Variants in SLC35F6 observed in about 807,000 individuals in gnomAD.
SLC35F6 encodes the protein ANT2-binding protein.
A neutral mutation model predicts 29.4 loss-of-function variants in SLC35F6; 26 were observed. The ratio of observed to expected loss-of-function variants is 0.89; its 90% confidence interval spans 0.65 to 1.23. The LOEUF (loss-of-function observed/expected upper bound fraction) is 1.23. SLC35F6 is among the 50% of genes most tolerant of loss of function. SLC35F6 has a pLI of 0.00. For synonymous variants in SLC35F6, 174 were observed against 206.6 expected (o/e 0.84, Z 1.35); for missense variants, 428 against 487.8 (o/e 0.88, Z 1.15).
At chr2:26,776,652 G>A (rs1408397124) in intron 5 of SLC35F6, among the ~76,000 whole-genome samples, 170 bp downstream of exon 5, 4 of 152,196 alleles carry the variant, frequency 2.6e-5, no homozygotes, top group Non-Finnish European at 5.9e-5. Context: ...AGGAACTAGA[G>A]GAGACCAAGG....
chr2:26,766,390 G>C (rs1664097096), intron 1 of SLC35F6, among the ~76,000 whole-genome samples: 1 of 152,330 alleles, frequency 6.6e-6, no homozygotes, highest in South Asian at 2.1e-4. Flanking sequence ...TTGAGGTCAG[G>C]AGTTTGAAAC....
Position 26,764,880 on chromosome 2 carries a change from G to T in SLC35F6, c.77+454G>T, listed in dbSNP as rs185613028. On this transcript the variant is annotated intron_variant, in intron 1 of 5. Coordinates refer to ENST00000344420, the MANE Select transcript of SLC35F6 (RefSeq NM_017877.4). ...GCCCCACGGCCCCTCAAGGATGAGG[G>T]GTTAGAGCTGTGCTTTGAAGCTTAG... The T allele has an allele frequency of 5.9e-3, 5,783 of 985,390 alleles. 17 individuals carry two copies. Among genetic ancestry groups the T allele is most frequent in the Non-Finnish European group, 6.6e-3 (5,508 of 829,934 alleles). 61.0% of individuals were successfully genotyped at this position (985,390 alleles called of 1,614,324 possible).
chr2:26,778,124 T>C lies in SLC35F6; in HGVS notation c.729T>C (p.Arg243=). 1 of 1,614,186 alleles carries C rather than the reference T, an allele frequency of 6.2e-7. No homozygotes were observed. The highest frequency in any genetic ancestry group is 8.5e-7 in the Non-Finnish European group (1 of 1,180,030). Residue 243 remains arginine, a synonymous_variant, in exon 6 of 6, where the codon CGT becomes CGC. Transcript: ENST00000344420. Reference sequence around the variant, plus strand: ...CCGGCTCCTTCAGCGGAAACCCTCGTGGGACACTGGAGGATGCATTGGACG... The same window carrying C: ...CCGGCTCCTTCAGCGGAAACCCTCGCGGGACACTGGAGGATGCATTGGACG... ...IPAGSFSGNP[R]GTLEDALDAF... is the part of the protein sequence containing the mutation.
chr2:26,765,265 G>A (rs1664076709), intron 1 of SLC35F6, among the ~76,000 whole-genome samples: 1 of 152,234 alleles, frequency 6.6e-6, no homozygotes, highest in Non-Finnish European at 1.5e-5. Context: ...CTGCCTGGGA[G>A]AAGAAAAGTG....
intron 1 of SLC35F6, among the ~76,000 whole-genome samples, chr2:26,768,108 G>C (rs887101696): frequency 6.6e-6 from 1 of 152,176 alleles, no homozygotes; most frequent in Non-Finnish European, 1.5e-5. Context: ...GTTTGCCCTT[G>C]GCAGCTGCCC....
Position 26,778,379 on chromosome 2 carries a change from A to G in SLC35F6, c.984A>G (p.Ile328Met). ...TCCTTGGCTTCCTCATACTCCTTAT[A>G]GGCACTGCCCTCTACAATGGGCTAC... is the stretch of plus-strand genomic sequence containing the variant. ...LQILGFLILL[I>M]GTALYNGLHR... is the part of the protein sequence containing the mutation. The change falls in exon 6 of 6, where the codon ATA becomes ATG. Residue 328 changes from isoleucine to methionine, a missense_variant. Physicochemically the swap from Ile to Met is conservative, Grantham distance 10. Coordinates refer to ENST00000344420, the MANE Select transcript of SLC35F6 (RefSeq NM_017877.4). 1 of 1,614,066 alleles carries G rather than the reference A, an allele frequency of 6.2e-7. No individual in the cohort carries two copies. Among genetic ancestry groups the G allele is most frequent in the Non-Finnish European group, 8.5e-7 (1 of 1,179,992 alleles).
chr2:26,776,422 C>G lies in SLC35F6; in HGVS notation c.586C>G (p.Leu196Val). ...AQIIVAIQMV[L>V]EEKFVYKHNV... is the part of the protein sequence containing the mutation. The stretch of plus-strand genomic sequence containing the variant: ...GATCATCGTTGCCATCCAGATGGTG[C>G]TAGAGGAGAAGTTCGTCTACAAACA... Residue 196 changes from leucine to valine, a missense_variant, in exon 5 of 6, where the codon CTA becomes GTA. Physicochemically the swap from Leu to Val is conservative, Grantham distance 32. Transcript: ENST00000344420. 1.2e-6 allele frequency: 2 copies of G among 1,614,172 alleles called. No homozygotes were observed. Among genetic ancestry groups the G allele is most frequent in the Non-Finnish European group, 1.7e-6 (2 of 1,180,032 alleles).
intron 1 of SLC35F6, among the ~76,000 whole-genome samples, chr2:26,768,656 C>CTT (rs569353471): frequency 0.014 from 1,775 of 123,990 alleles, 56 homozygotes; most frequent in African/African-American, 0.052. Context: ...TGTGCCCAGC[C>CTT]TTTTTTTTTT....
intron 1 of SLC35F6, among the ~76,000 whole-genome samples, chr2:26,772,295 G>A (rs921603622): frequency 1.3e-5 from 2 of 152,166 alleles, no homozygotes; most frequent in South Asian, 2.1e-4. Flanking sequence ...GCTGAGGCTC[G>A]CTACAGAGAT....
intron 1 of SLC35F6, among the ~76,000 whole-genome samples, chr2:26,773,720 C>A (rs1226427471): frequency 6.6e-6 from 1 of 150,610 alleles, no homozygotes; most frequent in Non-Finnish European, 1.5e-5. Flanking sequence ...TCAAGTGAGT[C>A]TCATGCCTCA....
chr2:26,773,049 TG>T, intron 1 of SLC35F6, among the ~76,000 whole-genome samples: 1 of 152,302 alleles, frequency 6.6e-6, no homozygotes, highest in South Asian at 2.1e-4. Flanking sequence ...TCAGGCTTTT[TG>T]AAGGTGAGCA....
At position 26,778,795 on chromosome 2, in the gene SLC35F6, G is replaced by C; in HGVS notation, c.*284G>C. 2.3e-6 allele frequency: 1 copy of C among 428,616 alleles called. No homozygotes were observed. The highest frequency in any genetic ancestry group is 4.1e-6 in the Non-Finnish European group (1 of 242,214). The allele number at this position is 428,616 out of a possible 1,614,324, so 26.6% of individuals were successfully genotyped here. A position where few individuals can be genotyped will look rare whatever the true frequency, so the allele number is the denominator to read the frequency against. Reference sequence around the variant, plus strand: ...AGCACTAGAGCTAAATCATGAAGTTGAATTGTAGGAATTTACCACCGTAGT... The same window carrying C: ...AGCACTAGAGCTAAATCATGAAGTTCAATTGTAGGAATTTACCACCGTAGT... On this transcript the variant is annotated 3_prime_UTR_variant, in exon 6 of 6. Transcript: ENST00000344420.
intron 1 of SLC35F6, among the ~76,000 whole-genome samples, chr2:26,773,110 A>G (rs192477711): frequency 6.6e-6 from 1 of 152,278 alleles, no homozygotes; most frequent in Non-Finnish European, 1.5e-5. Flanking sequence ...CCTGTAGACC[A>G]GAGGTTCTTG....
chr2:26,779,020 A>C lies in SLC35F6; in HGVS notation c.*509A>C, dbSNP rs1217108790. ...TGGCACGATCTCGGCGGCTCACTACAACCTCTGCCTCCCAGGTTCAAATGA... is the reference window on the plus strand; with the variant it reads ...TGGCACGATCTCGGCGGCTCACTACCACCTCTGCCTCCCAGGTTCAAATGA... On this transcript the variant is annotated 3_prime_UTR_variant, in exon 6 of 6. Coordinates refer to ENST00000344420, the MANE Select transcript of SLC35F6 (RefSeq NM_017877.4). 1 of 152,084 alleles carries C rather than the reference A, an allele frequency of 6.6e-6. No individual in the cohort carries two copies. Among genetic ancestry groups the C allele is most frequent in the East Asian group, 1.9e-4 (1 of 5,132 alleles). The allele number at this position is 152,084 out of a possible 1,614,324, so 9.4% of individuals were successfully genotyped here.
Position 26,778,148 on chromosome 2 carries a change from C to T in SLC35F6, c.753C>T (p.Asp251=), listed in dbSNP as rs150784252. Residue 251 remains aspartate, a synonymous_variant, in exon 6 of 6, where the codon GAC becomes GAT. Coordinates refer to ENST00000344420, the MANE Select transcript of SLC35F6 (RefSeq NM_017877.4). ...GTGGGACACTGGAGGATGCATTGGACGCCTTCTGCCAGGTGGGCCAGCAGC... is the reference window on the plus strand; with the variant it reads ...GTGGGACACTGGAGGATGCATTGGATGCCTTCTGCCAGGTGGGCCAGCAGC... ...NPRGTLEDAL[D]AFCQVGQQPL... 12 of 1,614,066 alleles carry T rather than the reference C, an allele frequency of 7.4e-6. No homozygotes were observed. The highest frequency in any genetic ancestry group is 4.0e-5 in the African/African-American group (3 of 74,930).
At position 26,779,705 on chromosome 2, in the gene SLC35F6, A is replaced by T. The variant is rs1340142988; in HGVS notation, c.*1194A>T. The T allele has an allele frequency of 6.6e-6, 1 of 151,558 alleles. No individual in the cohort carries two copies. Among genetic ancestry groups the T allele is most frequent in the Non-Finnish European group, 1.5e-5 (1 of 68,008 alleles). The allele number at this position is 151,558 out of a possible 1,614,324, so 9.4% of individuals were successfully genotyped here. A position where few individuals can be genotyped will look rare whatever the true frequency, so the allele number is the denominator to read the frequency against. On this transcript the variant is annotated 3_prime_UTR_variant, in exon 6 of 6. Transcript: ENST00000344420. The stretch of plus-strand genomic sequence containing the variant: ...TAATTTTTTGCATTCTTTAATAGAG[A>T]CGGGGTTTTGCCATGTTGGCCAGGA...
rs1664383017 is a variant in SLC35F6 at position 26,780,171 on chromosome 2, G to A, written c.*1660G>A. On this transcript the variant is annotated 3_prime_UTR_variant, in exon 6 of 6. Coordinates refer to ENST00000344420, the MANE Select transcript of SLC35F6 (RefSeq NM_017877.4). The stretch of plus-strand genomic sequence containing the variant: ...TCACCTCTGAGGCCTCCTCTGCCTG[G>A]AAGAGATTACAGGGAAATTCCAGGC... 6.6e-6 allele frequency: 1 copy of A among 152,076 alleles called. No homozygotes were observed. The highest frequency in any genetic ancestry group is 2.1e-4 in the South Asian group (1 of 4,824). The allele number at this position is 152,076 out of a possible 1,614,324, so 9.4% of individuals were successfully genotyped here.
At position 26,774,236 on chromosome 2, in the gene SLC35F6, C is replaced by A. The variant is rs189422020; in HGVS notation, c.78-15C>A. On this transcript the variant is annotated splice_polypyrimidine_tract_variant and intron_variant, in intron 1 of 5. Coordinates refer to ENST00000344420, the MANE Select transcript of SLC35F6 (RefSeq NM_017877.4). ...GGATGCTGACAGGGTCTGACCTTCC[C>A]TCTCTCTCCTACAGATGGGCGGACA... 2.8e-4 allele frequency: 447 copies of A among 1,613,928 alleles called. 2 individuals carry two copies. The African/African-American group carries it at 5.4e-3, about 20-fold the overall frequency.
At chr2:26,768,861 T>G (rs1664140970) in intron 1 of SLC35F6, among the ~76,000 whole-genome samples, 1 of 151,574 alleles carries the variant, frequency 6.6e-6, no homozygotes, top group African/African-American at 2.4e-5. Flanking sequence ...TAGGCTGGTC[T>G]CAAACTCCTG....
Sources: gnomAD v4.1 joint callset for allele counts (sites outside exome capture counted in the v4.1 genomes callset) on GRCh38, gnomAD v4.1.1 for gene constraint, MANE v1.5 for transcripts, NCBI Gene and HGNC (gene_info 2026-07-23, HGNC 2026-07-21) for gene names.